ROBO2: variants seen among roughly 807,000 people sequenced by gnomAD.
ROBO2 encodes the protein roundabout homolog 2.
In ROBO2, 53 loss-of-function variants were observed where a neutral mutation model predicts 160.8. That is an observed-to-expected ratio of 0.33 (90% CI 0.26 to 0.41). ROBO2 has a LOEUF of 0.41. ROBO2 is among the 10% of genes least tolerant of loss of function. The pLI, the probability that ROBO2 is intolerant of heterozygous loss-of-function variation, is 1.00. For missense variants in ROBO2, 1,577 were observed against 1,722.4 expected, an observed-to-expected ratio of 0.92 and a Z score of 1.49; for synonymous variants, 664 against 611.7, an observed-to-expected ratio of 1.09 and a Z score of -1.26.
intron 2 of ROBO2, among the ~76,000 whole-genome samples, chr3:76,986,728 A>C (rs1391670260): frequency 1.3e-5 from 2 of 152,198 alleles, no homozygotes; most frequent in African/African-American, 4.8e-5. Flanking sequence ...GAAATAAAGT[A>C]TGGAATTGTG....
At chr3:76,816,313 T>C (rs1380733029) in intron 2 of ROBO2, among the ~76,000 whole-genome samples, 2 of 152,114 alleles carry the variant, frequency 1.3e-5, no homozygotes, top group African/African-American at 4.8e-5. Flanking sequence ...AACACATTCT[T>C]TCCAATTCTA....
intron 2 of ROBO2, among the ~76,000 whole-genome samples, chr3:76,515,809 A>G (rs980730745): frequency 1.3e-5 from 2 of 152,168 alleles, no homozygotes; most frequent in African/African-American, 4.8e-5. Flanking sequence ...TTCTCAGTGA[A>G]CAAAATTTGT....
intron 2 of ROBO2, among the ~76,000 whole-genome samples, chr3:77,465,166 G>C (rs748939740): frequency 4.6e-5 from 7 of 151,992 alleles, no homozygotes; most frequent in Non-Finnish European, 7.4e-5. Context: ...TTAATATGGT[G>C]CATGAAAAAA....
At chr3:76,292,153 A>G (rs546969545) in intron 2 of ROBO2, among the ~76,000 whole-genome samples, 1 of 152,176 alleles carries the variant, frequency 6.6e-6, no homozygotes, top group Admixed American at 6.5e-5. Context: ...AGTTTCTACC[A>G]TTTCTTGTTG....
At chr3:76,393,203 A>C (rs2108661939) in intron 2 of ROBO2, among the ~76,000 whole-genome samples, 1 of 152,292 alleles carries the variant, frequency 6.6e-6, no homozygotes, top group Admixed American at 6.5e-5. Flanking sequence ...CTATTGAATA[A>C]GAATCTCTAG....
Position 77,501,307 on chromosome 3 carries a change from T to TA in ROBO2, c.806+7936dup, listed in dbSNP as rs564271665. Among the ~76,000 whole-genome samples the TA allele has an allele frequency of 2.9e-3, 425 of 145,796 alleles. 1 individual carries two copies. Among genetic ancestry groups the TA allele is most frequent in the African/African-American group, 8.5e-3 (343 of 40,152 alleles). On this transcript the variant is annotated intron_variant, in intron 5 of 25. Coordinates refer to ENST00000461745, the Ensembl canonical transcript of ROBO2. ...TCTTACATTAACTCTAAGCAAAAGG[T>TA]AAAAAAAAAAAGTTGTTTAATTAAT...
intron 2 of ROBO2, among the ~76,000 whole-genome samples, chr3:77,442,498 A>C (rs1336130525): frequency 6.6e-6 from 1 of 152,146 alleles, no homozygotes; most frequent in Non-Finnish European, 1.5e-5. Flanking sequence ...ATCATATAAA[A>C]CATAATTAAA....
intron 2 of ROBO2, among the ~76,000 whole-genome samples, chr3:76,519,057 C>G (rs1214957570): frequency 6.6e-6 from 1 of 152,022 alleles, no homozygotes; most frequent in Non-Finnish European, 1.5e-5. Context: ...GAAAAACTTC[C>G]CAGAGGATGT....
At chr3:77,595,012 G>A (rs1416924558) in intron 17 of ROBO2, 130 bp from the exon 19 acceptor site, 3 of 708,088 alleles carry the variant, frequency 4.2e-6, no homozygotes, top group African/African-American at 1.8e-5. Flanking sequence ...GTACAATGAT[G>A]TTAATTATAT....
At chr3:76,967,751 C>T (rs1007240449) in intron 2 of ROBO2, among the ~76,000 whole-genome samples, 3 of 152,036 alleles carry the variant, frequency 2.0e-5, no homozygotes, top group East Asian at 3.9e-4. Flanking sequence ...TGCCGTATTG[C>T]CCAGGCTGGT....
chr3:77,309,900 C>T lies in ROBO2; in HGVS notation c.389-167514C>T, dbSNP rs538356254. Among the ~76,000 whole-genome samples the T allele has an allele frequency of 3.3e-5, 5 of 152,232 alleles. No homozygotes were observed. The South Asian group carries it at 1.0e-3, about 32-fold the overall frequency. ...AGTAAGGCTTAAAATAAATTAATGC[C>T]AAAAGTGATTTCCTTCATTCCTTAA... On this transcript the variant is annotated intron_variant, in intron 2 of 25. Transcript: ENST00000461745.
chr3:77,611,710 A>C (rs116249593), intron 21 of ROBO2, among the ~76,000 whole-genome samples: 1 of 152,200 alleles, frequency 6.6e-6, no homozygotes, highest in Non-Finnish European at 1.5e-5. Flanking sequence ...AAATCAAATA[A>C]AAAGTATCAG....
intron 3 of ROBO2, among the ~76,000 whole-genome samples, chr3:77,477,868 C>G (rs1211631452): frequency 2.7e-5 from 3 of 110,964 alleles, no homozygotes; most frequent in Non-Finnish European, 5.0e-5. Flanking sequence ...CAGAGTCTTG[C>G]TCTGTCACCC....
intron 2 of ROBO2, among the ~76,000 whole-genome samples, chr3:77,407,742 C>T (rs187915339): frequency 6.6e-6 from 1 of 152,130 alleles, no homozygotes; most frequent in South Asian, 2.1e-4. Context: ...AAATAATGCT[C>T]GTGTTTATTT....
intron 2 of ROBO2, among the ~76,000 whole-genome samples, chr3:76,290,874 G>A (rs899687510): frequency 3.3e-5 from 5 of 152,072 alleles, no homozygotes; most frequent in African/African-American, 4.8e-5. Flanking sequence ...AAGCCTACTC[G>A]ATTGTGGCTT....
At chr3:77,632,326 G>A in intron 23 of ROBO2, 1 of 590,248 alleles carries the variant, frequency 1.7e-6, no homozygotes, top group South Asian at 2.9e-5. Context: ...TGTTTAAAAT[G>A]TACATGATAC....
In ROBO2 at chr3:76,690,451, C is replaced by G. The variant is rs2092776877; in HGVS notation, c.110-407563C>G. 2.0e-5 allele frequency among the ~76,000 whole-genome samples: 3 copies of G among 152,018 alleles called. No individual in the cohort carries two copies. In the South Asian group the frequency reaches 6.2e-4, roughly 32 times the overall value. ...TCCCCTTTCATCATCTTGGAGGATA[C>G]AACATCAAGGCACCATCTTGGAATC... On this transcript the variant is annotated intron_variant, in intron 2 of 26. Transcript: ENST00000487694.
At chr3:77,108,250 G>GAATA (rs2073090399) in intron 2 of ROBO2, among the ~76,000 whole-genome samples, 1 of 138,934 alleles carries the variant, frequency 7.2e-6, no homozygotes, top group Non-Finnish European at 1.6e-5. Context: ...ATACACATAT[G>GAATA]CATATATATG....
rs1450096129 is a variant in ROBO2 at position 76,545,484 on chromosome 3, G to A, written c.110-552530G>A. Among the ~76,000 whole-genome samples, 4 of 151,886 alleles carry A rather than the reference G, an allele frequency of 2.6e-5. No homozygotes were observed. In the East Asian group the frequency reaches 7.7e-4, roughly 29 times the overall value. On this transcript the variant is annotated intron_variant, in intron 2 of 26. Transcript: ENST00000487694. ...GATAAGGCTTACAAGTAATTACTGG[G>A]GAAACTGAGATGATTCTCCTTGAGC...
Sources: allele counts gnomAD v4.1 joint callset (sites outside exome capture counted in the v4.1 genomes callset), GRCh38; gene constraint gnomAD v4.1.1; transcripts MANE v1.5; gene names NCBI Gene and HGNC (gene_info 2026-07-23, HGNC 2026-07-21).